Variants in SORCS3 observed in about 807,000 individuals in gnomAD.
SORCS3 encodes the protein VPS10 domain-containing receptor SorCS3.
SORCS3 carries 57 observed loss-of-function variants against 146.3 expected under a neutral mutation model. The ratio of observed to expected loss-of-function variants is 0.39; its 90% confidence interval spans 0.31 to 0.49. The LOEUF (loss-of-function observed/expected upper bound fraction) is 0.49. Ranked by LOEUF, SORCS3 falls within the 20% of genes least tolerant of loss-of-function variation. The pLI, the probability that SORCS3 is intolerant of heterozygous loss-of-function variation, is 0.92. For missense variants in SORCS3, 1,341 were observed against 1,575.5 expected (o/e 0.85, Z 2.52); for synonymous variants, 653 against 618.5 (o/e 1.06, Z -0.83).
intron 19 of SORCS3, among the ~76,000 whole-genome samples, chr10:105,218,166 T>A (rs2056676681): frequency 6.6e-6 from 1 of 152,090 alleles, no homozygotes; most frequent in African/African-American, 2.4e-5. Context: ...CCAAAAGTGG[T>A]AAGGGATGTG....
intron 1 of SORCS3, among the ~76,000 whole-genome samples, chr10:104,735,533 GC>G (rs1235965480): frequency 7.9e-6 from 1 of 127,000 alleles, no homozygotes; most frequent in Non-Finnish European, 1.6e-5. Context: ...AATCCCCTCT[GC>G]CCCACCATAG....
intron 2 of SORCS3, among the ~76,000 whole-genome samples, chr10:104,913,713 T>TATTTTTGTAAC (rs1203831171): frequency 6.6e-6 from 1 of 152,006 alleles, no homozygotes; most frequent in Non-Finnish European, 1.5e-5. Context: ...GTTTCCCATG[T>TATTTTTGTAAC]CTTATATTTT....
chr10:105,165,969 C>T (rs1280659423), intron 12 of SORCS3, among the ~76,000 whole-genome samples: 3 of 152,134 alleles, frequency 2.0e-5, no homozygotes, highest in Non-Finnish European at 4.4e-5. Flanking sequence ...TAGGGTTCAA[C>T]CCAGCATCTC....
At chr10:105,093,368 T>G (rs557598947) in intron 6 of SORCS3, among the ~76,000 whole-genome samples, 7 of 152,136 alleles carry the variant, frequency 4.6e-5, no homozygotes, top group Non-Finnish European at 1.0e-4. Flanking sequence ...TGGACAGAGT[T>G]TTTTAAAATT....
intron 1 of SORCS3, among the ~76,000 whole-genome samples, chr10:104,702,180 G>A (rs759041541): frequency 1.3e-5 from 2 of 152,180 alleles, no homozygotes; most frequent in African/African-American, 4.8e-5. Flanking sequence ...GCGGACCGCT[G>A]TGTTTGAGCA....
intron 3 of SORCS3, among the ~76,000 whole-genome samples, chr10:104,963,395 G>C (rs1156377876): frequency 3.3e-5 from 5 of 152,090 alleles, no homozygotes. Context: ...CTGACCATCA[G>C]TTGCATTTGA....
At chr10:104,999,557 A>T (rs1459045838) in intron 4 of SORCS3, among the ~76,000 whole-genome samples, 1 of 152,152 alleles carries the variant, frequency 6.6e-6, no homozygotes, top group South Asian at 2.1e-4. Context: ...CTCCCTGCAC[A>T]ACTTCAAATA....
chr10:104,869,454 G>A (rs1003405997), intron 2 of SORCS3, among the ~76,000 whole-genome samples: 3 of 152,226 alleles, frequency 2.0e-5, no homozygotes, highest in African/African-American at 7.2e-5. Flanking sequence ...AGAGGGCCAT[G>A]TGCCTGACTT....
chr10:104,747,453 G>T (rs1290968580), intron 1 of SORCS3, among the ~76,000 whole-genome samples: 1 of 152,122 alleles, frequency 6.6e-6, no homozygotes, highest in Non-Finnish European at 1.5e-5. Flanking sequence ...TCACCCACAT[G>T]AATTCTTATA....
At chr10:104,974,569 T>C (rs1287644382) in intron 3 of SORCS3, among the ~76,000 whole-genome samples, 1 of 152,202 alleles carries the variant, frequency 6.6e-6, no homozygotes, top group Non-Finnish European at 1.5e-5. Flanking sequence ...TCCATCCTTT[T>C]ATTTTGAGCC....
chr10:105,254,529 G>C (rs2056918975), intron 23 of SORCS3, among the ~76,000 whole-genome samples: 2 of 152,172 alleles, frequency 1.3e-5, no homozygotes, highest in Non-Finnish European at 2.9e-5. Context: ...ATGGTTCTAG[G>C]ACTTCTGATA....
At chr10:104,783,167 C>A (rs2133493712) in intron 1 of SORCS3, among the ~76,000 whole-genome samples, 1 of 152,280 alleles carries the variant, frequency 6.6e-6, no homozygotes, top group East Asian at 1.9e-4. Context: ...ATCCTAATGT[C>A]CATATGTGCG....
intron 2 of SORCS3, among the ~76,000 whole-genome samples, chr10:104,906,270 T>TTTG (rs1182664340): frequency 6.6e-6 from 1 of 152,192 alleles, no homozygotes; most frequent in African/African-American, 2.4e-5. Flanking sequence ...TTCCCTGGAC[T>TTTG]TTAATTTGTT....
intron 5 of SORCS3, among the ~76,000 whole-genome samples, chr10:105,074,486 C>G (rs543096572): frequency 1.3e-5 from 2 of 152,302 alleles, no homozygotes; most frequent in African/African-American, 4.8e-5. Flanking sequence ...AGAGGGGAGG[C>G]AGGCAGTATT....
At chr10:105,261,215 G>A (rs1049778945) in intron 25 of SORCS3, among the ~76,000 whole-genome samples, 6 of 152,194 alleles carry the variant, frequency 3.9e-5, no homozygotes, top group Non-Finnish European at 8.8e-5. Flanking sequence ...CATAGGCAGT[G>A]TTGCATCGTT....
intron 1 of SORCS3, among the ~76,000 whole-genome samples, chr10:104,756,931 A>G (rs1202876345): frequency 1.3e-5 from 2 of 152,182 alleles, no homozygotes; most frequent in Admixed American, 6.5e-5. Flanking sequence ...ACCTGCTTTC[A>G]GGACCACTGG....
At chr10:104,748,173 C>T (rs1167038366) in intron 1 of SORCS3, among the ~76,000 whole-genome samples, 3 of 152,170 alleles carry the variant, frequency 2.0e-5, no homozygotes, top group Non-Finnish European at 4.4e-5. Context: ...AATCTAAAAT[C>T]CATTCTCTTT....
chr10:105,143,082 A>G (rs1267691647), intron 8 of SORCS3, among the ~76,000 whole-genome samples: 2 of 152,084 alleles, frequency 1.3e-5, no homozygotes, highest in Non-Finnish European at 2.9e-5. Flanking sequence ...CTTTGCCTGT[A>G]CATCCATCTA....
At chr10:105,196,339 C>G (rs564496894) in intron 14 of SORCS3, among the ~76,000 whole-genome samples, 1 of 152,224 alleles carries the variant, frequency 6.6e-6, no homozygotes, top group East Asian at 1.9e-4. Flanking sequence ...TGTGGTCGCT[C>G]ACGCCTGTAA....
Sources: gnomAD v4.1 joint callset for allele counts (sites outside exome capture counted in the v4.1 genomes callset) on GRCh38, gnomAD v4.1.1 for gene constraint, MANE v1.5 for transcripts, NCBI Gene and HGNC (gene_info 2026-07-23, HGNC 2026-07-21) for gene names.